Variants in DACH2 observed in about 807,000 individuals in gnomAD.
DACH2 encodes dachshund family transcription factor 2, also known as dachshund homolog 2.
DACH2 carries 17 observed loss-of-function variants against 35.8 expected under a neutral mutation model. The observed-to-expected ratio is 0.48, with a 90% CI of 0.33 to 0.71. The LOEUF is 0.71. DACH2 is among the 30% of genes least tolerant of loss of function. The pLI is 0.02. For synonymous variants in DACH2, 195 were observed against 177.3 expected (o/e 1.10, Z -0.79); for missense variants, 469 against 472.7 (o/e 0.99, Z 0.07).
intron 3 of DACH2, among the ~76,000 whole-genome samples, chrX:86,625,610 A>G (rs2040126787): frequency 9.0e-6 from 1 of 111,284 alleles, no homozygotes; most frequent in Non-Finnish European, 1.9e-5. Flanking sequence ...GACATACCCA[A>G]GACTGGCTAA....
intron 1 of DACH2, among the ~76,000 whole-genome samples, chrX:86,253,208 A>G (rs2033437057): frequency 9.0e-6 from 1 of 111,383 alleles, no homozygotes; most frequent in Non-Finnish European, 1.9e-5. Flanking sequence ...ACATAGGAAT[A>G]TACCTAACCA....
At chrX:86,445,566 CAAAAAA>C (rs34980646) in intron 2 of DACH2, among the ~76,000 whole-genome samples, 1 of 48,102 alleles carries the variant, frequency 2.1e-5, no homozygotes, top group Non-Finnish European at 3.4e-5. Flanking sequence ...TCAGAGTGAA[CAAAAAA>C]AAAAAAAAAG....
In DACH2 at chrX:86,673,728, C is replaced by A. The variant is rs904509018; in HGVS notation, c.773-21293C>A. Among the ~76,000 whole-genome samples, 4 of 111,258 alleles carry A rather than the reference C, an allele frequency of 3.6e-5. No homozygotes were observed. The Admixed American group carries it at 3.8e-4, about 11-fold the overall frequency. On this transcript the variant is annotated intron_variant, in intron 4 of 11. Coordinates refer to ENST00000373125, the MANE Select transcript of DACH2 (RefSeq NM_053281.3). ...ATATGGTTTGGATTTGTGGCCCTGC[C>A]CAAATCTCCTGTTGAGTTGTCATTC... is the stretch of plus-strand genomic sequence containing the variant.
At chrX:86,753,856 C>T (rs1211095483) in intron 7 of DACH2, among the ~76,000 whole-genome samples, 1 of 109,878 alleles carries the variant, frequency 9.1e-6, no homozygotes, top group East Asian at 2.8e-4. Context: ...GCATCCACAC[C>T]TTACTTTGGG....
At chrX:86,691,286 C>T (rs189124261) in intron 4 of DACH2, among the ~76,000 whole-genome samples, 128 of 111,571 alleles carry the variant, frequency 1.1e-3, no homozygotes, top group African/African-American at 3.8e-3. Context: ...TTACTTTGAA[C>T]TGTGACTGTA....
chrX:86,294,961 T>G (rs2034411645), intron 1 of DACH2, among the ~76,000 whole-genome samples: 1 of 112,027 alleles, frequency 8.9e-6, no homozygotes, highest in Admixed American at 9.4e-5. Flanking sequence ...AGTTCGAGCT[T>G]CCTGGCTGCT....
At chrX:86,267,351 G>C (rs1158588833) in intron 1 of DACH2, among the ~76,000 whole-genome samples, 2 of 111,777 alleles carry the variant, frequency 1.8e-5, no homozygotes, top group East Asian at 5.6e-4. Context: ...GGATGGTCTT[G>C]ATTATTTAAA....
intron 1 of DACH2, among the ~76,000 whole-genome samples, chrX:86,280,819 G>A (rs1274341130): frequency 9.0e-6 from 1 of 111,661 alleles, no homozygotes; most frequent in Non-Finnish European, 1.9e-5. Context: ...TGATAAAACA[G>A]ACTTTAAACC....
At chrX:86,456,722 A>G (rs1237476371) in intron 2 of DACH2, among the ~76,000 whole-genome samples, 1 of 110,439 alleles carries the variant, frequency 9.1e-6, no homozygotes, top group African/African-American at 3.3e-5. Flanking sequence ...TTTGTGATAA[A>G]CTTCTTTATT....
chrX:86,205,498 T>C (rs1052101418), intron 1 of DACH2, among the ~76,000 whole-genome samples: 7 of 60,208 alleles, frequency 1.2e-4, no homozygotes, highest in Admixed American at 3.9e-4. Context: ...CCCTCCTTCC[T>C]TCCTTCCTTC....
At chrX:86,499,077 C>T (rs1193868189) in intron 2 of DACH2, among the ~76,000 whole-genome samples, 2 of 111,655 alleles carry the variant, frequency 1.8e-5, no homozygotes, top group Admixed American at 1.9e-4. Context: ...CATTAGCTAC[C>T]AACATATGCA....
intron 2 of DACH2, among the ~76,000 whole-genome samples, chrX:86,422,775 A>AT (rs1029754977): frequency 1.8e-5 from 2 of 110,371 alleles, no homozygotes; most frequent in East Asian, 5.7e-4. Context: ...CATTTATTCT[A>AT]TTTTTTGCAT....
At chrX:86,429,879 A>T (rs775077099) in intron 2 of DACH2, among the ~76,000 whole-genome samples, 1 of 112,367 alleles carries the variant, frequency 8.9e-6, no homozygotes, top group African/African-American at 3.2e-5. Flanking sequence ...GCATTAAATG[A>T]TTCCATTTCT....
Position 86,461,404 on chromosome X carries a change from G to A in DACH2, c.528-52875G>A, listed in dbSNP as rs986788165. On this transcript the variant is annotated intron_variant, in intron 2 of 11. Coordinates refer to ENST00000373125, the MANE Select transcript of DACH2 (RefSeq NM_053281.3). The stretch of plus-strand genomic sequence containing the variant: ...TATCCACAGACTGTTGTATTGGGGG[G>A]TGGATTCTCATTCTGACTCTACCAC... Among the ~76,000 whole-genome samples, 12 of 111,290 alleles carry A rather than the reference G, an allele frequency of 1.1e-4. No homozygotes were observed. In the East Asian group the frequency reaches 1.4e-3, roughly 13 times the overall value.
chrX:86,161,560 T>C (rs2030757308), intron 1 of DACH2, among the ~76,000 whole-genome samples: 1 of 112,306 alleles, frequency 8.9e-6, no homozygotes, highest in Non-Finnish European at 1.9e-5. Context: ...AATCAGATTT[T>C]TGTGAAGCGT....
At chrX:86,679,695 C>G (rs2040859866) in intron 4 of DACH2, among the ~76,000 whole-genome samples, 1 of 105,402 alleles carries the variant, frequency 9.5e-6, no homozygotes, top group African/African-American at 3.5e-5. Context: ...GGTTGTCAGC[C>G]TTGGAAACAA....
intron 3 of DACH2, among the ~76,000 whole-genome samples, chrX:86,557,150 G>A (rs752344880): frequency 1.7e-4 from 19 of 110,569 alleles, no homozygotes; most frequent in African/African-American, 6.2e-4. Context: ...TTCTATCTTG[G>A]CCCTCAGAGG....
intron 2 of DACH2, among the ~76,000 whole-genome samples, chrX:86,492,064 A>G (rs1264141561): frequency 8.9e-6 from 1 of 111,821 alleles, no homozygotes; most frequent in Non-Finnish European, 1.9e-5. Flanking sequence ...ACTATTTTAG[A>G]TAGCCCATGT....
chrX:86,410,033 A>G (rs1057102716), intron 2 of DACH2, among the ~76,000 whole-genome samples: 2 of 112,245 alleles, frequency 1.8e-5, no homozygotes, highest in African/African-American at 6.5e-5. Flanking sequence ...ATATATGACT[A>G]GTGCCAATAC....
Sources: allele counts gnomAD v4.1 joint callset (sites outside exome capture counted in the v4.1 genomes callset), GRCh38; gene constraint gnomAD v4.1.1; transcripts MANE v1.5; gene names NCBI Gene and HGNC (gene_info 2026-07-23, HGNC 2026-07-21).